Variants in TEX2 observed in about 807,000 individuals in gnomAD.
The protein encoded by TEX2 is testis-expressed protein 2.
A neutral mutation model predicts 106.9 loss-of-function variants in TEX2; 53 were observed. The ratio of observed to expected loss-of-function variants is 0.50; its 90% CI spans 0.40 to 0.62. TEX2 has a LOEUF of 0.62. Among genes scored for constraint, TEX2 ranks in the 20% least tolerant of loss-of-function variants. The pLI is 0.00. For synonymous variants in TEX2, 523 were observed against 534.8 expected, an observed-to-expected ratio of 0.98 and a Z score of 0.30; for missense variants, 1,207 against 1,379.0, an observed-to-expected ratio of 0.88 and a Z score of 1.98.
rs2032429012 is a variant in TEX2 at position 64,195,158 on chromosome 17, T to C, written c.1645-63A>G. 3.4e-6 allele frequency: 5 copies of C among 1,467,732 alleles called. No homozygotes were observed. The highest frequency in any genetic ancestry group is 4.7e-6 in the Non-Finnish European group (5 of 1,056,044). The allele number at this position is 1,467,732 out of a possible 1,614,324, so 90.9% of individuals were successfully genotyped here. A position where few individuals can be genotyped will look rare whatever the true frequency, so the allele number is the denominator to read the frequency against. On this transcript the variant is annotated intron_variant, in intron 2 of 11. Transcript: ENST00000584379. This position sits in a 1 kb window ranked among gnomAD's most constrained non-coding sequence, Gnocchi z 4.1. ...ATCGCAAATCTGATTTAGTGTGAAA[T>C]GATGAACACTGTGGTATTTGGGACA...
intron 6 of TEX2, among the ~76,000 whole-genome samples, chr17:64,175,392 T>C (rs887685842): frequency 1.3e-5 from 2 of 152,146 alleles, no homozygotes; most frequent in Admixed American, 1.3e-4. Context: ...ACTTCTGACC[T>C]CAAAAAACAA....
chr17:64,249,268 AG>A (rs1473576814), intron 1 of TEX2, among the ~76,000 whole-genome samples: 1 of 152,176 alleles, frequency 6.6e-6, no homozygotes, highest in Non-Finnish European at 1.5e-5. Context: ...ACCAATCGAC[AG>A]TACAGCCTGC....
At chr17:64,175,536 C>G (rs2031584200) in intron 6 of TEX2, among the ~76,000 whole-genome samples, 1 of 152,206 alleles carries the variant, frequency 6.6e-6, no homozygotes, top group Admixed American at 6.5e-5. Context: ...CTGTGGACTT[C>G]CAGCTCAAGA....
chr17:64,176,224 G>A (rs1363808950), intron 6 of TEX2, among the ~76,000 whole-genome samples: 1 of 152,160 alleles, frequency 6.6e-6, no homozygotes, highest in Non-Finnish European at 1.5e-5. Flanking sequence ...AGGGACACTG[G>A]CCCACAGACA....
chr17:64,212,637 T>C lies in TEX2; in HGVS notation c.1581A>G (p.Leu527=). Residue 527 remains leucine (L), a synonymous_variant, in exon 2 of 12, where the codon TTA becomes TTG. Coordinates refer to ENST00000584379, the MANE Select transcript of TEX2 (RefSeq NM_001288732.2). Reference sequence around the variant, plus strand: ...TGTTCCAGTGTCGCAGATTTTTGTGTAACTTGTGATATTTATGAGCACTTG... The same window carrying C: ...TGTTCCAGTGTCGCAGATTTTTGTGCAACTTGTGATATTTATGAGCACTTG... ...TPPSAHKYHK[L]HKNLRHWNTR... is the part of the protein sequence containing the mutation. The C allele has an allele frequency of 6.2e-7, 1 of 1,614,166 alleles. No homozygotes were observed. Among genetic ancestry groups the C allele is most frequent in the Non-Finnish European group, 8.5e-7 (1 of 1,180,022 alleles).
At chr17:64,156,563 A>T (rs1007518006) in intron 8 of TEX2, among the ~76,000 whole-genome samples, 1 of 152,230 alleles carries the variant, frequency 6.6e-6, no homozygotes, top group South Asian at 2.1e-4. Flanking sequence ...CAGGAATCTT[A>T]TATTTAAAAT....
rs1281341099 is a variant in TEX2 at position 64,147,945 on chromosome 17, A to T, written c.*1024T>A. On this transcript the variant is annotated 3_prime_UTR_variant, in exon 12 of 12. Coordinates refer to ENST00000584379, the MANE Select transcript of TEX2 (RefSeq NM_001288732.2). ...CCTTGTAAACTAAACATTCTGACAC[A>T]AATGCACAAAATTAAGTTGGCAACA... 6.6e-6 allele frequency: 1 copy of T among 152,632 alleles called. No homozygotes were observed. Among genetic ancestry groups the T allele is most frequent in the African/African-American group, 2.4e-5 (1 of 41,456 alleles). The allele number at this position is 152,632 out of a possible 1,614,324, so 9.5% of individuals were successfully genotyped here. A position where few individuals can be genotyped will look rare whatever the true frequency, so the allele number is the denominator to read the frequency against.
intron 10 of TEX2, 92 bp from the exon 11 acceptor site, chr17:64,151,053 T>C (rs2030328305): frequency 7.3e-7 from 1 of 1,361,600 alleles, no homozygotes; most frequent in Non-Finnish European, 1.0e-6. Context: ...CATGGGGCTT[T>C]ATCACTACTT....
At chr17:64,208,245 T>A (rs1555631042) in intron 2 of TEX2, among the ~76,000 whole-genome samples, 1 of 152,196 alleles carries the variant, frequency 6.6e-6, no homozygotes, top group Non-Finnish European at 1.5e-5. Flanking sequence ...TTTGTTTTTG[T>A]TTTGTTTTTT....
At chr17:64,160,594 T>G (rs1414003422) in intron 8 of TEX2, among the ~76,000 whole-genome samples, 1 of 152,100 alleles carries the variant, frequency 6.6e-6, no homozygotes, top group Non-Finnish European at 1.5e-5. Context: ...TCAAAGGCGC[T>G]GTCACAGCTG....
chr17:64,215,077 T>G (rs1555632496), intron 1 of TEX2, among the ~76,000 whole-genome samples: 2 of 152,224 alleles, frequency 1.3e-5, no homozygotes. Context: ...CTTCTGGAGC[T>G]TAATAGCTGA....
chr17:64,211,070 C>T (rs544190438), intron 2 of TEX2, among the ~76,000 whole-genome samples: 38 of 152,260 alleles, frequency 2.5e-4, no homozygotes, highest in South Asian at 8.3e-4. Flanking sequence ...AAGCAATTCT[C>T]CTGCTTCAGC....
intron 1 of TEX2, among the ~76,000 whole-genome samples, chr17:64,247,570 TGAGG>T (rs2034013674): frequency 6.6e-6 from 1 of 152,084 alleles, no homozygotes; most frequent in South Asian, 2.1e-4. Context: ...GTTTGAGCAG[TGAGG>T]AGGCGGCCAG....
In TEX2 at chr17:64,193,700, T is replaced by C. The variant is rs938294341; in HGVS notation, c.2035A>G (p.Arg679Gly). The change falls in exon 4 of 12, where the codon AGA (arginine) becomes GGA (glycine). Residue 679 changes from arginine (R) to glycine (G), a missense_variant. By Grantham distance (125) the Arg-to-Gly change is moderately radical (BLOSUM62 -2). Around this residue, in one of 3 missense-constraint regions of TEX2, gnomAD observed 1,067 missense variants for 1,193.6 expected, o/e 0.89. Coordinates refer to ENST00000584379, the MANE Select transcript of TEX2 (RefSeq NM_001288732.2). ...KKPPRPQEGT[R>G]SSQRDQILYL... ...AGTATCTGATCTCGCTGGCTAGATC[T>C]TGTTCCCTCCTGAGGGCGGGGTGGC... The C allele has an allele frequency of 1.2e-5, 19 of 1,611,548 alleles. No individual in the cohort carries two copies. The Admixed American group carries it at 2.5e-4, about 21-fold the overall frequency.
At position 64,213,522 on chromosome 17, in the gene TEX2, T is replaced by G; in HGVS notation, c.696A>C (p.Thr232=). The G allele has an allele frequency of 1.2e-6, 2 of 1,614,140 alleles. No individual in the cohort carries two copies. Among genetic ancestry groups the G allele is most frequent in the South Asian group, 1.1e-5 (1 of 91,080 alleles). The change falls in exon 2 of 12, where the codon ACA becomes ACC. Residue 232 remains threonine (T), a synonymous_variant. Transcript: ENST00000584379. The surrounding 1 kb of genome is among the most constrained non-coding windows in gnomAD (Gnocchi z 4.4). ...STDTSRQESD[T]VSYKPPDSKL... is the part of the protein sequence containing the mutation. ...TGGAATCAGGTGGCTTATAGGACACTGTATCCGACTCCTGCCGGGAAGTGT... is the reference window on the plus strand; with the variant it reads ...TGGAATCAGGTGGCTTATAGGACACGGTATCCGACTCCTGCCGGGAAGTGT...
chr17:64,213,001 G>A lies in TEX2; in HGVS notation c.1217C>T (p.Ser406Phe), dbSNP rs2033055825. Residue 406 changes from serine (S) to phenylalanine (F), a missense_variant, in exon 2 of 12, where the codon TCT becomes TTT. Physicochemically the swap from Ser to Phe is radical, Grantham distance 155 (BLOSUM62 -2). Coordinates refer to ENST00000584379, the MANE Select transcript of TEX2 (RefSeq NM_001288732.2). The surrounding 1 kb of genome is among the most constrained non-coding windows in gnomAD (Gnocchi z 4.4). Reference sequence around the variant, plus strand: ...TTCTTTGCTCACTAAGGCAGACAAAGAACATTTCTCCAGAACTAGAGAACT... The same window carrying A: ...TTCTTTGCTCACTAAGGCAGACAAAAAACATTTCTCCAGAACTAGAGAACT... ...KTSSLVLEKC[S>F]LSALVSKEDE... 6.2e-7 allele frequency: 1 copy of A among 1,614,224 alleles called. No homozygotes were observed. The highest frequency in any genetic ancestry group is 8.5e-7 in the Non-Finnish European group (1 of 1,180,044).
At position 64,212,667 on chromosome 17, in the gene TEX2, T is replaced by A; in HGVS notation, c.1551A>T (p.Thr517=). 1.9e-6 allele frequency: 3 copies of A among 1,614,156 alleles called. No homozygotes were observed. Among genetic ancestry groups the A allele is most frequent in the Non-Finnish European group, 2.5e-6 (3 of 1,180,028 alleles). The change falls in exon 2 of 12, where the codon ACA becomes ACT. Residue 517 remains threonine, a synonymous_variant. Coordinates refer to ENST00000584379, the MANE Select transcript of TEX2 (RefSeq NM_001288732.2). ...MTAVCVIWFF[T]PPSAHKYHKL... is the part of the protein sequence containing the mutation. ...TGTGATATTTATGAGCACTTGGTGGTGTAAAAAACCAAATCACGCAAACTG... is the reference window on the plus strand; with the variant it reads ...TGTGATATTTATGAGCACTTGGTGGAGTAAAAAACCAAATCACGCAAACTG...
intron 1 of TEX2, among the ~76,000 whole-genome samples, chr17:64,258,658 T>C (rs9905608): frequency 0.099 from 15,089 of 152,204 alleles, 1,882 homozygotes; most frequent in African/African-American, 0.29. Flanking sequence ...TTCTTTCAAT[T>C]GTTTAATTTC....
At chr17:64,163,491 C>T (rs1025358876) in intron 7 of TEX2, among the ~76,000 whole-genome samples, 2 of 152,122 alleles carry the variant, frequency 1.3e-5, no homozygotes, top group Admixed American at 6.5e-5. Flanking sequence ...AATAAATATT[C>T]CAACAAATGA....
Sources: gnomAD v4.1 joint callset for allele counts (sites outside exome capture counted in the v4.1 genomes callset) on GRCh38, gnomAD v4.1.1 for gene constraint, gnomAD v4.1.1 regional missense constraint, Gnocchi (gnomAD v3.1) non-coding constraint, MANE v1.5 for transcripts, NCBI Gene and HGNC (gene_info 2026-07-23, HGNC 2026-07-21) for gene names.